NDUFS6: variants seen among roughly 807,000 people sequenced by gnomAD.
The protein encoded by NDUFS6 is NADH:ubiquinone oxidoreductase subunit S6.
A neutral mutation model predicts 13.2 loss-of-function variants in NDUFS6; 14 were observed. That is an observed-to-expected ratio of 1.06 (90% CI 0.70 to 1.66). The LOEUF is 1.66. Ranked by LOEUF, NDUFS6 falls within the 40% of genes most tolerant of loss-of-function variation. NDUFS6 has a pLI of 0.00. For synonymous variants in NDUFS6, 95 were observed against 72.3 expected (o/e 1.31, Z -1.60); for missense variants, 206 against 170.8 (o/e 1.21, Z -1.15).
rs772455393 is a variant in NDUFS6, at chr5:1,815,951, G to C, written c.*35G>C. The C allele has an allele frequency of 6.2e-7, 1 of 1,612,360 alleles. No homozygotes were observed. Among genetic ancestry groups the C allele is most frequent in the Non-Finnish European group, 8.5e-7 (1 of 1,178,328 alleles). ...CACGCCGGGGGTCCCGCAGCATCCTGTGAGCATTTCCGCGGGGAAGCTGAG... is the reference window on the plus strand; with the variant it reads ...CACGCCGGGGGTCCCGCAGCATCCTCTGAGCATTTCCGCGGGGAAGCTGAG... On this transcript the variant is annotated 3_prime_UTR_variant, in exon 4 of 4. Coordinates refer to ENST00000274137, the MANE Select transcript of NDUFS6 (RefSeq NM_004553.6).
At chr5:1,802,581 C>T (rs1056923823) in intron 2 of NDUFS6, among the ~76,000 whole-genome samples, 1 of 152,046 alleles carries the variant, frequency 6.6e-6, no homozygotes, top group East Asian at 1.9e-4. Flanking sequence ...ACATTGTAGC[C>T]GTAGTTCTGG....
chr5:1,812,195 G>T (rs1277615904), intron 2 of NDUFS6, among the ~76,000 whole-genome samples: 3 of 152,026 alleles, frequency 2.0e-5, no homozygotes, highest in African/African-American at 7.2e-5. Context: ...GCATGAAGGG[G>T]ACTGAACTCC....
At chr5:1,802,259 T>C in intron 1 of NDUFS6, 62 bp from the exon 2 acceptor site, 1 of 1,422,530 alleles carries the variant, frequency 7.0e-7, no homozygotes, top group Non-Finnish European at 9.9e-7. Flanking sequence ...TTATGATTGA[T>C]ATGAAGTGAC....
At chr5:1,811,412 C>G (rs1734217940) in intron 2 of NDUFS6, among the ~76,000 whole-genome samples, 1 of 152,130 alleles carries the variant, frequency 6.6e-6, no homozygotes, top group African/African-American at 2.4e-5. Context: ...ATTATCACAC[C>G]TTAAAAATTA....
intron 2 of NDUFS6, among the ~76,000 whole-genome samples, chr5:1,808,738 A>T (rs550553744): frequency 2.6e-5 from 4 of 152,356 alleles, no homozygotes; most frequent in African/African-American, 9.6e-5. Flanking sequence ...TTTTTAGAGC[A>T]TTTTCTATAA....
chr5:1,814,939 T>A lies in NDUFS6; in HGVS notation c.309+478T>A, dbSNP rs1167123146. ...ACAGGGCCGTCCCTCTGTGGGAGAC[T>A]CCTCATCCCCTCTTCTTATAAGGGC... On this transcript the variant is annotated intron_variant, in intron 3 of 3. Transcript: ENST00000274137. The surrounding 1 kb of genome is among the most constrained non-coding windows in gnomAD (Gnocchi z 4.9). Among the ~76,000 whole-genome samples, 1 of 152,142 alleles carries A rather than the reference T, an allele frequency of 6.6e-6. No individual in the cohort carries two copies. The highest frequency in any genetic ancestry group is 1.5e-5 in the Non-Finnish European group (1 of 68,022).
At chr5:1,802,249 T>C in intron 1 of NDUFS6, 72 bp from the exon 2 acceptor site, 2 of 1,378,288 alleles carry the variant, frequency 1.5e-6, no homozygotes, top group East Asian at 4.6e-5. Flanking sequence ...CCTGTAATAT[T>C]TATGATTGAT....
rs771744246 is a variant in NDUFS6, at chr5:1,815,965, G to C, written c.*49G>C. The C allele has an allele frequency of 2.5e-6, 4 of 1,601,688 alleles. No individual in the cohort carries two copies. The highest frequency in any genetic ancestry group is 2.2e-5 in the South Asian group (2 of 90,846). On this transcript the variant is annotated 3_prime_UTR_variant, in exon 4 of 4. Transcript: ENST00000274137. ...CGCAGCATCCTGTGAGCATTTCCGC[G>C]GGGAAGCTGAGCACGTGAAGCTCGC...
In NDUFS6 at chr5:1,814,032, G is replaced by A. The variant is rs4147772; in HGVS notation, c.187-307G>A. Among the ~76,000 whole-genome samples, 112,086 of 152,178 alleles carry A rather than the reference G, an allele frequency of 0.74. 44,418 individuals carry two copies. The highest frequency in any genetic ancestry group is 0.88 in the Non-Finnish European group (60,011 of 68,022). ...CAGGTGGGACAGAACGATGTGGTGG[G>A]GAGAAGAGGGCGTGGCAGAGCCCAC... On this transcript the variant is annotated intron_variant, in intron 2 of 3. Coordinates refer to ENST00000274137, the MANE Select transcript of NDUFS6 (RefSeq NM_004553.6). This position sits in a 1 kb window ranked among gnomAD's most constrained non-coding sequence, Gnocchi z 4.9.
At chr5:1,810,077 C>CT (rs3834245) in intron 2 of NDUFS6, among the ~76,000 whole-genome samples, 36,792 of 152,236 alleles carry the variant, frequency 0.24, 4,524 homozygotes, top group Admixed American at 0.29. Context: ...CTGCCTCCCA[C>CT]TGCGTGTGTG....
Position 1,802,325 on chromosome 5 carries a change from A to G in NDUFS6, c.137A>G (p.Tyr46Cys). ...GEKVTHTGQV[Y>C]DDKDYRRIRF... ...GGTCTTTTTGTTTTTTTCCAGGTTTATGATGATAAAGACTACAGGAGAATT... is the reference window on the plus strand; with the variant it reads ...GGTCTTTTTGTTTTTTTCCAGGTTTGTGATGATAAAGACTACAGGAGAATT... The change falls in exon 2 of 4, where the codon TAT becomes TGT. Residue 46 changes from tyrosine to cysteine, a missense_variant. By Grantham distance (194) the Tyr-to-Cys change is radical (BLOSUM62 -2). Transcript: ENST00000274137. 3.1e-6 allele frequency: 5 copies of G among 1,614,030 alleles called. No homozygotes were observed. Among genetic ancestry groups the G allele is most frequent in the Non-Finnish European group, 3.4e-6 (4 of 1,179,942 alleles).
At chr5:1,806,480 C>T (rs1393181215) in intron 2 of NDUFS6, among the ~76,000 whole-genome samples, 5 of 152,218 alleles carry the variant, frequency 3.3e-5, no homozygotes, top group Admixed American at 6.5e-5. Context: ...CTTCAAGGTG[C>T]GTGGTGCCAC....
intron 1 of NDUFS6, 134 bp downstream of exon 1, chr5:1,801,683 T>A: frequency 7.4e-7 from 1 of 1,355,354 alleles, no homozygotes; most frequent in Non-Finnish European, 9.8e-7. Flanking sequence ...GTGCTGTCGC[T>A]CACGCGCCGG....
At chr5:1,802,049 TCTC>T in intron 1 of NDUFS6, 1 of 484,456 alleles carries the variant, frequency 2.1e-6, no homozygotes, top group Non-Finnish European at 3.7e-6. Flanking sequence ...TGGGGGCGGT[TCTC>T]CTCGGTCAGG....
intron 2 of NDUFS6, among the ~76,000 whole-genome samples, chr5:1,803,035 T>C (rs925769504): frequency 1.3e-5 from 2 of 152,152 alleles, no homozygotes; most frequent in Admixed American, 1.3e-4. Context: ...TGCTGTGAAG[T>C]GTCCTTCACA....
chr5:1,802,265 G>A, intron 1 of NDUFS6, 56 bp from the exon 2 acceptor site: 1 of 1,469,488 alleles, frequency 6.8e-7, no homozygotes, highest in Non-Finnish European at 9.5e-7. Context: ...TTGATATGAA[G>A]TGACTTTCAG....
Position 1,803,377 on chromosome 5 carries a change from C to T in NDUFS6, c.186+1003C>T, listed in dbSNP as rs1734079397. On this transcript the variant is annotated intron_variant, in intron 2 of 3. Transcript: ENST00000274137. ...GTTGGGTTGAGAAAGATCCTGAGGC[C>T]TGATGCACATTCAGTGGAAGAGTGT... Among the ~76,000 whole-genome samples, 3 of 152,122 alleles carry T rather than the reference C, an allele frequency of 2.0e-5. No homozygotes were observed. The South Asian group carries it at 6.2e-4, about 32-fold the overall frequency.
At chr5:1,812,185 G>T (rs1734227667) in intron 2 of NDUFS6, among the ~76,000 whole-genome samples, 2 of 152,100 alleles carry the variant, frequency 1.3e-5, no homozygotes, top group African/African-American at 4.8e-5. Context: ...TGGAGAGTGT[G>T]CATGAAGGGG....
chr5:1,814,002 G>A lies in NDUFS6; in HGVS notation c.187-337G>A, dbSNP rs1036794938. 2.6e-5 allele frequency among the ~76,000 whole-genome samples: 4 copies of A among 152,238 alleles called. No individual in the cohort carries two copies. The highest frequency in any genetic ancestry group is 4.4e-5 in the Non-Finnish European group (3 of 68,042). On this transcript the variant is annotated intron_variant, in intron 2 of 3. Coordinates refer to ENST00000274137, the MANE Select transcript of NDUFS6 (RefSeq NM_004553.6). The surrounding 1 kb of genome is among the most constrained non-coding windows in gnomAD (Gnocchi z 4.9). ...ACAGACAGGCCCGAGCAATACAAAT[G>A]TCCTCAGGTGGGACAGAACGATGTG...
Sources: allele counts gnomAD v4.1 joint callset (sites outside exome capture counted in the v4.1 genomes callset), GRCh38; gene constraint gnomAD v4.1.1; non-coding constraint Gnocchi (gnomAD v3.1); transcripts MANE v1.5; gene names NCBI Gene and HGNC (gene_info 2026-07-23, HGNC 2026-07-21).